TLN2: variants seen among roughly 807,000 people sequenced by gnomAD.
The protein encoded by TLN2 is talin 2.
Under a neutral mutation model 294.7 loss-of-function variants are expected in TLN2, and 118 were observed. The observed-to-expected ratio is 0.40, with a 90% CI of 0.34 to 0.47. TLN2 has a LOEUF of 0.47. Ranked by LOEUF, TLN2 falls within the 20% of genes least tolerant of loss-of-function variation. The pLI is 0.84. For synonymous variants in TLN2, 1,431 were observed against 1,304.5 expected (o/e 1.10, Z -2.09); for missense variants, 3,083 against 3,282.2 (o/e 0.94, Z 1.48).
chr15:62,639,266 T>C (rs941810264), intron 3 of TLN2, among the ~76,000 whole-genome samples: 1 of 152,108 alleles, frequency 6.6e-6, no homozygotes, highest in African/African-American at 2.4e-5. Context: ...TCTATGTGTA[T>C]ATCTATATCT....
chr15:62,634,777 A>G (rs1051886694), intron 3 of TLN2, among the ~76,000 whole-genome samples: 1 of 152,252 alleles, frequency 6.6e-6, no homozygotes, highest in Non-Finnish European at 1.5e-5. Flanking sequence ...AGGCAGTTCT[A>G]AAAACCTGGG....
intron 1 of TLN2, among the ~76,000 whole-genome samples, chr15:62,505,362 CTG>C (rs1273789526): frequency 6.6e-6 from 1 of 152,228 alleles, no homozygotes; most frequent in Non-Finnish European, 1.5e-5. Context: ...AGCTTACACA[CTG>C]TGCTGATGAA....
At chr15:62,725,860 C>T (rs2140929954) in intron 27 of TLN2, among the ~76,000 whole-genome samples, 1 of 152,314 alleles carries the variant, frequency 6.6e-6, no homozygotes, top group Middle Eastern at 3.4e-3. Flanking sequence ...CTTTTGAGAG[C>T]TTCTGGCTCT....
At chr15:62,413,672 A>C (rs2033910605) in intron 1 of TLN2, among the ~76,000 whole-genome samples, 1 of 152,182 alleles carries the variant, frequency 6.6e-6, no homozygotes, top group African/African-American at 2.4e-5. Flanking sequence ...AAGTTTTTAA[A>C]ATTAAATTGT....
intron 46 of TLN2, among the ~76,000 whole-genome samples, chr15:62,795,893 C>T (rs2065441858): frequency 6.6e-6 from 1 of 152,160 alleles, no homozygotes; most frequent in African/African-American, 2.4e-5. Context: ...ATAGTGGCCC[C>T]ATTTTACAGA....
chr15:62,782,027 C>T lies in TLN2; in HGVS notation c.5616+786C>T, dbSNP rs1289378002. 2.6e-5 allele frequency among the ~76,000 whole-genome samples: 4 copies of T among 152,140 alleles called. No homozygotes were observed. The South Asian group carries it at 6.2e-4, about 24-fold the overall frequency. ...TCCCAACTTTTAAAGGCTCAGATGC[C>T]ATAAGATAAAAGTTTGAAAGATGCC... is the stretch of plus-strand genomic sequence containing the variant. On this transcript the variant is annotated intron_variant, in intron 44 of 58. Coordinates refer to ENST00000636159, the MANE Select transcript of TLN2 (RefSeq NM_015059.3).
At chr15:62,713,914 ATGCTGTGTGTG>A (rs1191023895) in intron 22 of TLN2, among the ~76,000 whole-genome samples, 9 of 109,834 alleles carry the variant, frequency 8.2e-5, no homozygotes, top group Non-Finnish European at 1.4e-4. Flanking sequence ...ATATATATAT[ATGCTGTGTGTG>A]TGTATGTGTG....
chr15:62,422,791 C>A (rs1449461848), intron 1 of TLN2, among the ~76,000 whole-genome samples: 1 of 152,202 alleles, frequency 6.6e-6, no homozygotes, highest in Non-Finnish European at 1.5e-5. Context: ...TTGATTCCAT[C>A]CTTTGGAGAC....
At chr15:62,521,466 A>G (rs1032990076) in intron 1 of TLN2, among the ~76,000 whole-genome samples, 8 of 146,664 alleles carry the variant, frequency 5.5e-5, no homozygotes, top group Admixed American at 1.4e-4. Context: ...GTTTAGGGAG[A>G]CAGTTGGGGG....
chr15:62,768,274 A>T (rs2047411), intron 41 of TLN2, among the ~76,000 whole-genome samples: 3 of 272 alleles, frequency 0.011, no homozygotes, highest in African/African-American at 0.017. Context: ...AGGGCTGTGC[A>T]GTCTACAGAG....
At chr15:62,834,278 C>T (rs143479235) in intron 55 of TLN2, 3 of 152,292 alleles carry the variant, frequency 2.0e-5, no homozygotes, top group African/African-American at 7.2e-5. Flanking sequence ...TTGTTATTTA[C>T]ATACACATGG....
At chr15:62,428,526 G>A (rs188917611) in intron 1 of TLN2, among the ~76,000 whole-genome samples, 4 of 152,292 alleles carry the variant, frequency 2.6e-5, no homozygotes, top group Admixed American at 1.3e-4. Context: ...TGCCTTGATC[G>A]CCCGGCCTAT....
chr15:62,682,085 A>T (rs188753312), intron 11 of TLN2, among the ~76,000 whole-genome samples: 21 of 152,120 alleles, frequency 1.4e-4, no homozygotes, highest in African/African-American at 4.8e-4. Flanking sequence ...CAGTCACTGA[A>T]CTCTTCCCAC....
At chr15:62,706,293 G>T (rs1437090993) in intron 19 of TLN2, among the ~76,000 whole-genome samples, 1 of 152,252 alleles carries the variant, frequency 6.6e-6, no homozygotes, top group Non-Finnish European at 1.5e-5. Context: ...AGACAGATGG[G>T]TGACAAATCT....
chr15:62,392,406 G>C (rs919493568), intron 1 of TLN2, among the ~76,000 whole-genome samples: 2 of 152,172 alleles, frequency 1.3e-5, no homozygotes, highest in African/African-American at 4.8e-5. Flanking sequence ...AAATTGCCCT[G>C]GTGCTGTAAG....
intron 1 of TLN2, among the ~76,000 whole-genome samples, chr15:62,579,645 A>G (rs749274098): frequency 6.6e-6 from 1 of 152,106 alleles, no homozygotes; most frequent in Non-Finnish European, 1.5e-5. Context: ...ATTCATAGGA[A>G]CGTGTCCCCT....
rs2069464383 is a variant in TLN2 at position 62,835,726 on chromosome 15, C to G, written c.7129-11C>G. ...TGCCCTCATGGCCAATTTCTCGACT[C>G]TACTCTCTAGGTGGGCTCCATCCCT... On this transcript the variant is annotated splice_polypyrimidine_tract_variant and intron_variant, in intron 55 of 58. Transcript: ENST00000636159. 1.9e-6 allele frequency: 3 copies of G among 1,614,058 alleles called. No homozygotes were observed. The highest frequency in any genetic ancestry group is 1.7e-5 in the Admixed American group (1 of 60,008).
rs542514436 is a variant in TLN2 at position 62,483,903 on chromosome 15, C to A, written c.-238+93218C>A. Among the ~76,000 whole-genome samples, 3 of 152,354 alleles carry A rather than the reference C, an allele frequency of 2.0e-5. No homozygotes were observed. The East Asian group carries it at 5.8e-4, about 29-fold the overall frequency. Reference sequence around the variant, plus strand: ...CCATGGATTACATTTGGCAGCGTTTCTTTGGCCAGCTGCATGCCTCCCAGC... The same window carrying A: ...CCATGGATTACATTTGGCAGCGTTTATTTGGCCAGCTGCATGCCTCCCAGC... On this transcript the variant is annotated intron_variant, in intron 1 of 58. Transcript: ENST00000636159.
At chr15:62,756,617 GT>G (rs1489190824) in intron 37 of TLN2, among the ~76,000 whole-genome samples, 3 of 152,168 alleles carry the variant, frequency 2.0e-5, no homozygotes, top group Non-Finnish European at 4.4e-5. Flanking sequence ...TTAGTTAAGG[GT>G]TTTGTATTCA....
Sources: gnomAD v4.1 joint callset for allele counts (sites outside exome capture counted in the v4.1 genomes callset) on GRCh38, gnomAD v4.1.1 for gene constraint, MANE v1.5 for transcripts, NCBI Gene and HGNC (gene_info 2026-07-23, HGNC 2026-07-21) for gene names.